Variants in SBF2 observed in about 807,000 individuals in gnomAD.
SBF2 encodes SET binding factor 2.
A neutral mutation model predicts 225.2 loss-of-function variants in SBF2; 112 were observed. The observed-to-expected ratio is 0.50, with a 90% CI of 0.43 to 0.58. The LOEUF (loss-of-function observed/expected upper bound fraction) is 0.58, where lower values mean the gene tolerates loss of function less well. Ranked by LOEUF, SBF2 falls within the 20% of genes least tolerant of loss-of-function variation. The pLI, the probability that SBF2 is intolerant of heterozygous loss-of-function variation, is 0.00. For missense variants in SBF2, 1,996 were observed against 2,206.2 expected (o/e 0.90, Z 1.91); for synonymous variants, 763 against 773.3 (o/e 0.99, Z 0.22).
At chr11:10,155,625 T>C (rs1343615499) in intron 2 of SBF2, among the ~76,000 whole-genome samples, 1 of 152,204 alleles carries the variant, frequency 6.6e-6, no homozygotes, top group Non-Finnish European at 1.5e-5. Context: ...ACTTCACATA[T>C]ATAAAGGATT....
intron 16 of SBF2, among the ~76,000 whole-genome samples, chr11:9,910,909 A>AAAT (rs1862555544): frequency 6.7e-6 from 1 of 148,804 alleles, no homozygotes; most frequent in Non-Finnish European, 1.5e-5. Flanking sequence ...AAAAAAAAAA[A>AAAT]TTAGCTGGGC....
chr11:10,060,712 C>T (rs1057392161), intron 2 of SBF2, among the ~76,000 whole-genome samples: 1 of 152,110 alleles, frequency 6.6e-6, no homozygotes, highest in Non-Finnish European at 1.5e-5. Context: ...CCCTGGGATG[C>T]AAAGTTGGTT....
rs570920738 is a variant in SBF2, at chr11:9,970,665, C to G, written c.1396-2120G>C. ...CGTAAGTGTCAAAACACATGGGTTC[C>G]AGTTCTTGCTCTAGTCCTTATTATG... is the stretch of plus-strand genomic sequence containing the variant. On this transcript the variant is annotated intron_variant, in intron 13 of 39. Coordinates refer to ENST00000256190, the MANE Select transcript of SBF2 (RefSeq NM_030962.4). Among the ~76,000 whole-genome samples the G allele has an allele frequency of 4.6e-5, 7 of 152,296 alleles. No homozygotes were observed. The East Asian group carries it at 1.3e-3, about 29-fold the overall frequency.
chr11:10,168,870 A>G (rs921626105), intron 2 of SBF2, among the ~76,000 whole-genome samples: 2 of 152,218 alleles, frequency 1.3e-5, no homozygotes, highest in Non-Finnish European at 2.9e-5. Context: ...GTGAACTTCA[A>G]GCAATGGAAA....
chr11:10,253,574 A>G (rs1184631749), intron 1 of SBF2, among the ~76,000 whole-genome samples: 1 of 152,192 alleles, frequency 6.6e-6, no homozygotes, highest in Non-Finnish European at 1.5e-5. Context: ...ATACAAAACT[A>G]CAATGATTAC....
intron 17 of SBF2, among the ~76,000 whole-genome samples, chr11:9,862,766 TA>T (rs1018712488): frequency 6.6e-6 from 1 of 152,182 alleles, no homozygotes; most frequent in African/African-American, 2.4e-5. Context: ...GTGTTTATTT[TA>T]TTTTTTTGAT....
chr11:9,812,643 T>C lies in SBF2; in HGVS notation c.4044A>G (p.Gln1348=). The C allele has an allele frequency of 6.2e-7, 1 of 1,614,236 alleles. No homozygotes were observed. Among genetic ancestry groups the C allele is most frequent in the African/African-American group, 1.3e-5 (1 of 75,060 alleles). The part of the protein sequence containing the change: ...FVPVEFHEIR[Q]VKASFKKLMR... ...TCAGCTTCTTAAAACTGGCTTTCACTTGCCGGATTTCATGAAATTCAACAG... is the reference window on the plus strand; with the variant it reads ...TCAGCTTCTTAAAACTGGCTTTCACCTGCCGGATTTCATGAAATTCAACAG... The change falls in exon 30 of 40, where the codon CAA becomes CAG. Residue 1348 remains glutamine (Q), a synonymous_variant. Coordinates refer to ENST00000256190, the MANE Select transcript of SBF2 (RefSeq NM_030962.4).
At chr11:10,015,339 T>C (rs1009238872) in intron 6 of SBF2, among the ~76,000 whole-genome samples, 4 of 152,178 alleles carry the variant, frequency 2.6e-5, no homozygotes, top group Admixed American at 2.6e-4. Context: ...GTATTAGTTT[T>C]CTATGGTTGC....
intron 16 of SBF2, among the ~76,000 whole-genome samples, chr11:9,946,778 T>C (rs550005316): frequency 1.3e-5 from 2 of 152,248 alleles, no homozygotes; most frequent in East Asian, 3.9e-4. Flanking sequence ...CACTTATATA[T>C]GTATAACAAA....
At position 9,807,002 on chromosome 11, in the gene SBF2, T is replaced by C. The variant is rs1853891954; in HGVS notation, c.4443+998A>G. Among the ~76,000 whole-genome samples, 5 of 152,352 alleles carry C rather than the reference T, an allele frequency of 3.3e-5. No individual in the cohort carries two copies. In the South Asian group the frequency reaches 6.2e-4, roughly 19 times the overall value. On this transcript the variant is annotated intron_variant, in intron 32 of 39. Coordinates refer to ENST00000256190, the MANE Select transcript of SBF2 (RefSeq NM_030962.4). ...AATAAAACATAACCACATACTAACTTGGTGTCATCACAGTTAGTTTCAACT... is the reference window on the plus strand; with the variant it reads ...AATAAAACATAACCACATACTAACTCGGTGTCATCACAGTTAGTTTCAACT...
chr11:9,795,812 A>G lies in SBF2; in HGVS notation c.4570+19T>C, dbSNP rs1446935851. 5.6e-6 allele frequency: 9 copies of G among 1,612,322 alleles called. 1 individual carries two copies. The Admixed American group carries it at 1.0e-4, about 18-fold the overall frequency. Reference sequence around the variant, plus strand: ...CAGAACTAACAAAAAAGATGAAACAAGGGCATACAGACACATACCGTGCTC... The same window carrying G: ...CAGAACTAACAAAAAAGATGAAACAGGGGCATACAGACACATACCGTGCTC... On this transcript the variant is annotated intron_variant, in intron 33 of 39. Coordinates refer to ENST00000256190, the MANE Select transcript of SBF2 (RefSeq NM_030962.4).
intron 2 of SBF2, among the ~76,000 whole-genome samples, chr11:10,090,175 T>C (rs540220265): frequency 7.9e-5 from 12 of 152,242 alleles, no homozygotes; most frequent in African/African-American, 2.6e-4. Flanking sequence ...TATGAGAGGA[T>C]GAATGATGAG....
Position 10,067,342 on chromosome 11 carries a change from G to A in SBF2, c.142-24361C>T, listed in dbSNP as rs532444730. 1.1e-3 allele frequency among the ~76,000 whole-genome samples: 164 copies of A among 152,176 alleles called. 1 individual carries two copies. Among genetic ancestry groups the A allele is most frequent in the Non-Finnish European group, 5.0e-4 (34 of 68,038 alleles). On this transcript the variant is annotated intron_variant, in intron 2 of 39. Coordinates refer to ENST00000256190, the MANE Select transcript of SBF2 (RefSeq NM_030962.4). ...GATTTGATGCAATCCCAGTCCAAGT[G>A]TCACCAGGTTTTTTGGTTGTGTGTT...
chr11:9,830,173 A>G (rs556841091), intron 27 of SBF2, among the ~76,000 whole-genome samples: 10 of 152,252 alleles, frequency 6.6e-5, no homozygotes, highest in African/African-American at 2.4e-4. Flanking sequence ...GCAAAACAGA[A>G]TCACTGAAAT....
intron 2 of SBF2, among the ~76,000 whole-genome samples, chr11:10,145,111 C>T (rs1009557413): frequency 2.6e-5 from 4 of 152,154 alleles, no homozygotes; most frequent in Admixed American, 6.5e-5. Flanking sequence ...TGCTTTACAA[C>T]GTCCAGGGCC....
At chr11:10,217,560 A>G (rs994532112) in intron 1 of SBF2, among the ~76,000 whole-genome samples, 11 of 152,200 alleles carry the variant, frequency 7.2e-5, no homozygotes, top group Admixed American at 6.5e-4. Flanking sequence ...AGTTTCTTCT[A>G]TTTATTAGTT....
intron 2 of SBF2, among the ~76,000 whole-genome samples, chr11:10,111,451 CAGAAGT>C (rs1952838876): frequency 6.6e-6 from 1 of 152,140 alleles, no homozygotes; most frequent in African/African-American, 2.4e-5. Flanking sequence ...TATAAAGAAC[CAGAAGT>C]AGATCATTTT....
chr11:10,081,072 G>A (rs1590913617), intron 2 of SBF2, among the ~76,000 whole-genome samples: 1 of 151,922 alleles, frequency 6.6e-6, no homozygotes, highest in African/African-American at 2.4e-5. Context: ...AAATTAAAGT[G>A]GACTTTAGAC....
intron 28 of SBF2, chr11:9,819,144 A>C (rs933349944): frequency 6.6e-6 from 1 of 152,218 alleles, no homozygotes; most frequent in African/African-American, 2.4e-5. Flanking sequence ...TAATTTTACA[A>C]ATGCAAAAAA....
Sources: gnomAD v4.1 joint callset for allele counts (sites outside exome capture counted in the v4.1 genomes callset) on GRCh38, gnomAD v4.1.1 for gene constraint, MANE v1.5 for transcripts, NCBI Gene and HGNC (gene_info 2026-07-23, HGNC 2026-07-21) for gene names.